Variants in CFAP276 observed in about 807,000 individuals in gnomAD.
The protein encoded by CFAP276 is cilia- and flagella-associated protein 276.
chr1:109,108,513 C>T, the CFAP276 span, among the ~76,000 whole-genome samples: 3 of 152,126 alleles, frequency 2.0e-5, no homozygotes, highest in Non-Finnish European at 4.4e-5. Flanking sequence ...TCCCCAGGCT[C>T]TTGATCCTCC....
the CFAP276 span, among the ~76,000 whole-genome samples, chr1:109,113,391 TCAGAGAGAGAGAGAGAGAGAGAGAA>T: frequency 1.2e-5 from 1 of 82,394 alleles, no homozygotes; most frequent in Non-Finnish European, 2.2e-5. Context: ...AGACCCTGTC[TCAGAGAGAGAGAGAGAGAGAGAGAA>T]AGAGAGAGAG....
chr1:109,106,925 A>T, the CFAP276 span: 2 of 1,111,520 alleles, frequency 1.8e-6, no homozygotes, highest in Non-Finnish European at 2.7e-6. Flanking sequence ...CCTAGTGATT[A>T]TCATTTTCCA....
chr1:109,113,407 AG>A, the CFAP276 span, among the ~76,000 whole-genome samples: 1 of 115,548 alleles, frequency 8.7e-6, no homozygotes, highest in Non-Finnish European at 1.7e-5. Context: ...AGAGAGAGAG[AG>A]AGAGAGAAAG....
the CFAP276 span, chr1:109,106,003 T>C: frequency 6.3e-7 from 1 of 1,585,086 alleles, no homozygotes; most frequent in Middle Eastern, 1.7e-4. Flanking sequence ...TGTTTCACTA[T>C]AATTAGTTCA....
chr1:109,107,033 G>T, the CFAP276 span: 2 of 1,614,120 alleles, frequency 1.2e-6, no homozygotes, highest in Non-Finnish European at 1.7e-6. Context: ...TGGTTTTCTG[G>T]TTTAACAGTA....
chr1:109,112,676 G>T, the CFAP276 span: 1 of 1,550,282 alleles, frequency 6.5e-7, no homozygotes. Context: ...CGGGTGGGAG[G>T]CATGGCTAAA....
the CFAP276 span, chr1:109,107,063 T>C: frequency 1.2e-6 from 2 of 1,614,202 alleles, no homozygotes; most frequent in Non-Finnish European, 1.7e-6. Context: ...TGTTCTTGAA[T>C]GTCCCAGTGT....
At chr1:109,107,863 A>G in the CFAP276 span, 5 of 207,830 alleles carry the variant, frequency 2.4e-5, no homozygotes, top group South Asian at 1.3e-4. Flanking sequence ...GGGTGACAGG[A>G]AAAAAAAAAA....
At chr1:109,108,041 C>A in the CFAP276 span, 2 of 1,448,316 alleles carry the variant, frequency 1.4e-6, no homozygotes, top group Non-Finnish European at 1.9e-6. Flanking sequence ...GCAATTTCTG[C>A]AAAAGAGAAA....
At chr1:109,110,075 A>G in the CFAP276 span, among the ~76,000 whole-genome samples, 1 of 152,160 alleles carries the variant, frequency 6.6e-6, no homozygotes, top group African/African-American at 2.4e-5. Context: ...TCAAGCATGA[A>G]TGCCATCTTT....
the CFAP276 span, among the ~76,000 whole-genome samples, chr1:109,110,410 C>G: frequency 2.0e-5 from 3 of 152,224 alleles, no homozygotes; most frequent in Non-Finnish European, 4.4e-5. Flanking sequence ...TCAATGATCT[C>G]TGTGGCCAGG....
At chr1:109,106,537 A>G in the CFAP276 span, 15 of 1,613,514 alleles carry the variant, frequency 9.3e-6, no homozygotes, top group South Asian at 1.3e-4. Context: ...ACCCTTACCT[A>G]TGGATCCTTG....
At chr1:109,112,664 C>G in the CFAP276 span, 1 of 1,550,312 alleles carries the variant, frequency 6.5e-7, no homozygotes, top group Non-Finnish European at 8.7e-7. Context: ...TGGAAAGGGT[C>G]CCGGGTGGGA....
the CFAP276 span, chr1:109,106,248 C>G: frequency 0.23 from 174,572 of 748,474 alleles, 24,446 homozygotes; most frequent in East Asian, 0.47. Context: ...ATGGGAGGTA[C>G]TTATAGGTCT....
the CFAP276 span, chr1:109,105,969 A>G: frequency 2.9e-6 from 4 of 1,372,092 alleles, no homozygotes; most frequent in South Asian, 2.5e-5. Context: ...GCACAAATCT[A>G]TTTAATGGAA....
chr1:109,113,392 C>CAG, the CFAP276 span, among the ~76,000 whole-genome samples: 43 of 91,412 alleles, frequency 4.7e-4, no homozygotes, highest in Middle Eastern at 5.7e-3. Context: ...GACCCTGTCT[C>CAG]AGAGAGAGAG....
the CFAP276 span, among the ~76,000 whole-genome samples, chr1:109,110,540 C>G: frequency 4.6e-5 from 7 of 152,278 alleles, no homozygotes; most frequent in African/African-American, 1.7e-4. Flanking sequence ...GGGTTTTCCT[C>G]TTATTTCTGG....
the CFAP276 span, among the ~76,000 whole-genome samples, chr1:109,112,990 A>G: frequency 6.6e-6 from 1 of 152,238 alleles, no homozygotes; most frequent in South Asian, 2.1e-4. Flanking sequence ...GACTTCTGCA[A>G]AAGACTTCAG....
the CFAP276 span, among the ~76,000 whole-genome samples, chr1:109,109,533 C>CTTTTTTT: frequency 8.7e-6 from 1 of 114,968 alleles, no homozygotes; most frequent in Non-Finnish European, 1.7e-5. Flanking sequence ...TGAGCCATAC[C>CTTTTTTT]TTTTTTTTTT....
Sources: gnomAD v4.1 joint callset for allele counts (sites outside exome capture counted in the v4.1 genomes callset) on GRCh38, gnomAD v4.1.1 for gene constraint, MANE v1.5 for transcripts, NCBI Gene and HGNC (gene_info 2026-07-23, HGNC 2026-07-21) for gene names.